Variants in ADAMTS5 observed in about 807,000 individuals in gnomAD.
ADAMTS5 encodes the protein ADAM metallopeptidase with thrombospondin type 1 motif 5, also known as A disintegrin and metalloproteinase with thrombospondin motifs 5.
A neutral mutation model predicts 81.4 loss-of-function variants in ADAMTS5; 54 were observed. That is an observed-to-expected ratio of 0.66 (90% CI 0.53 to 0.83). ADAMTS5 has a LOEUF of 0.83. ADAMTS5 is among the 40% of genes least tolerant of loss of function. ADAMTS5 has a pLI of 0.00. For missense variants in ADAMTS5, 1,194 were observed against 1,229.9 expected (o/e 0.97, Z 0.44); for synonymous variants, 532 against 508.8 (o/e 1.05, Z -0.61).
In ADAMTS5 at chr21:26,923,539, T is replaced by C. The variant is rs1205298341; in HGVS notation, c.*514A>G. The C allele has an allele frequency of 6.5e-6, 1 of 152,814 alleles. No homozygotes were observed. The highest frequency in any genetic ancestry group is 1.5e-5 in the Non-Finnish European group (1 of 68,166). 9.5% of individuals were successfully genotyped at this position (152,814 alleles called of 1,614,324 possible). A position where few individuals can be genotyped will look rare whatever the true frequency, so the allele number is the denominator to read the frequency against. ...CCAGTAAAATATCCACAGCTCTTTC[T>C]GGAAACGGAAGGAAGTTGAAATAGC... On this transcript the variant is annotated 3_prime_UTR_variant, in exon 8 of 8. Transcript: ENST00000284987.
Position 26,943,548 on chromosome 21 carries a change from C to T in ADAMTS5, c.1238-1G>A. 6.2e-7 allele frequency: 1 copy of T among 1,611,428 alleles called. No individual in the cohort carries two copies. Among genetic ancestry groups the T allele is most frequent in the Non-Finnish European group, 8.5e-7 (1 of 1,178,510 alleles). On this transcript the variant is annotated splice_acceptor_variant, in intron 2 of 7. Coordinates refer to ENST00000284987, the MANE Select transcript of ADAMTS5 (RefSeq NM_007038.5). LOFTEE classifies it high-confidence loss of function. ...TCATGGGAGAGGCCAAGTAAATGTC[C>T]TAAGGGAGACAACAGAGGAAGTACA...
intron 2 of ADAMTS5, chr21:26,954,170 G>C (rs1378206249): frequency 6.6e-6 from 1 of 152,144 alleles, no homozygotes; most frequent in Admixed American, 6.5e-5. Flanking sequence ...ATTTAGATGT[G>C]TTTCTTACAA....
chr21:26,922,586 G>C lies in ADAMTS5; in HGVS notation c.*1467C>G. The C allele has an allele frequency of 6.6e-6, 1 of 152,002 alleles. No individual in the cohort carries two copies. The highest frequency in any genetic ancestry group is 1.5e-5 in the Non-Finnish European group (1 of 67,942). The allele number at this position is 152,002 out of a possible 1,614,324, so 9.4% of individuals were successfully genotyped here. ...TTCTAAGTTGTGAGGTTGGTGATGGGGGGGTGTACATTTTATCATCTAAAA... is the reference window on the plus strand; with the variant it reads ...TTCTAAGTTGTGAGGTTGGTGATGGCGGGGTGTACATTTTATCATCTAAAA... On this transcript the variant is annotated 3_prime_UTR_variant, in exon 8 of 8. Transcript: ENST00000284987.
At position 26,966,105 on chromosome 21, in the gene ADAMTS5, C is replaced by T. The variant is rs1204827302; in HGVS notation, c.287G>A (p.Arg96Gln). ...KVGYLVYAGGRRFLLDLERDG... is the reference protein window; with the variant it reads ...KVGYLVYAGGQRFLLDLERDG... Reference sequence around the variant, plus strand: ...TCGCTCCAGGTCCAAGAGGAACCTCCGGCCGCCCGCGTAGACGAGGTAGCC... The same window carrying T: ...TCGCTCCAGGTCCAAGAGGAACCTCTGGCCGCCCGCGTAGACGAGGTAGCC... Residue 96 changes from arginine (R) to glutamine (Q), a missense_variant, in exon 1 of 8, where the codon CGG (arginine) becomes CAG (glutamine). Physicochemically the swap from Arg to Gln is conservative, Grantham distance 43 (BLOSUM62 1). Transcript: ENST00000284987. The T allele has an allele frequency of 1.9e-6, 3 of 1,612,804 alleles. No homozygotes were observed. Among genetic ancestry groups the T allele is most frequent in the East Asian group, 2.2e-5 (1 of 44,846 alleles).
intron 2 of ADAMTS5, among the ~76,000 whole-genome samples, chr21:26,946,318 G>A (rs1291434185): frequency 6.6e-6 from 1 of 152,070 alleles, no homozygotes; most frequent in East Asian, 1.9e-4. Context: ...AGTTGAAATC[G>A]GCCTTGAAAT....
chr21:26,964,217 A>G (rs1987589214), intron 1 of ADAMTS5, among the ~76,000 whole-genome samples: 2 of 152,210 alleles, frequency 1.3e-5, no homozygotes, highest in South Asian at 4.1e-4. Context: ...AAGAGGCACA[A>G]CTTAAAACTG....
Position 26,966,167 on chromosome 21 carries a change from C to T in ADAMTS5, c.225G>A (p.Gln75=), listed in dbSNP as rs540399. ...AQRRRSKGLV[Q]NIDQLYSGGG... is the part of the protein sequence containing the mutation. ...CGCCGGAGTAGAGTTGGTCGATGTT[C>T]TGCACCAGCCCCTTGCTCCTGCGCC... The change falls in exon 1 of 8, where the codon CAG becomes CAA. Residue 75 remains glutamine (Q), a synonymous_variant. Transcript: ENST00000284987. 1 of 1,608,654 alleles carries T rather than the reference C, an allele frequency of 6.2e-7. No homozygotes were observed. Among genetic ancestry groups the T allele is most frequent in the South Asian group, 1.1e-5 (1 of 90,334 alleles).
At chr21:26,960,069 A>G (rs1194675961) in intron 1 of ADAMTS5, among the ~76,000 whole-genome samples, 3 of 152,118 alleles carry the variant, frequency 2.0e-5, no homozygotes, top group Non-Finnish European at 4.4e-5. Context: ...TATCTCATGA[A>G]TATTTTGGCC....
intron 1 of ADAMTS5, among the ~76,000 whole-genome samples, chr21:26,956,738 T>G (rs1987434800): frequency 6.6e-6 from 1 of 152,156 alleles, no homozygotes; most frequent in South Asian, 2.1e-4. Context: ...AGAATTACAT[T>G]TTCCCTTCTT....
intron 2 of ADAMTS5, among the ~76,000 whole-genome samples, chr21:26,947,610 T>C (rs755528975): frequency 1.8e-4 from 27 of 152,080 alleles, no homozygotes; most frequent in Non-Finnish European, 2.9e-4. Context: ...GTTTTTTGTA[T>C]TTTCAGTAGA....
At chr21:26,939,758 G>A (rs1421830106) in intron 3 of ADAMTS5, 1 of 152,202 alleles carries the variant, frequency 6.6e-6, no homozygotes, top group Non-Finnish European at 1.5e-5. Context: ...AAACATTTGA[G>A]AAAGGAAATT....
intron 2 of ADAMTS5, among the ~76,000 whole-genome samples, 163 bp downstream of exon 2, chr21:26,954,576 G>A (rs1040708185): frequency 3.9e-5 from 6 of 152,128 alleles, no homozygotes; most frequent in Non-Finnish European, 7.4e-5. Flanking sequence ...CTTCCCTGTC[G>A]CTCGTATTAG....
rs765042826 is a variant in ADAMTS5 at position 26,966,242 on chromosome 21, C to T, written c.150G>A (p.Glu50=). The part of the protein sequence containing the change: ...AAQPRRRQGE[E]VQERAEPPGH... ...CGGGAGGCTCGGCTCGCTCCTGCAC[C>T]TCCTCCCCCTGCCGCCGGCGGGGCT... Residue 50 remains glutamate (E), a synonymous_variant, in exon 1 of 8, where the codon GAG becomes GAA. Transcript: ENST00000284987. The T allele has an allele frequency of 2.1e-4, 343 of 1,600,322 alleles. No individual in the cohort carries two copies. Among genetic ancestry groups the T allele is most frequent in the Admixed American group, 1.5e-4 (9 of 59,032 alleles).
In ADAMTS5 at chr21:26,924,223, A is replaced by C. The variant is rs1180231131; in HGVS notation, c.2623T>G (p.Ser875Ala). 1.2e-6 allele frequency: 2 copies of C among 1,614,118 alleles called. No individual in the cohort carries two copies. The highest frequency in any genetic ancestry group is 1.7e-6 in the Non-Finnish European group (2 of 1,180,038). ...GGGCCCGTGACCCACTGCGGCTGCG[A>C]AGTGTGTGATCCCACTTTATTGCTG... is the stretch of plus-strand genomic sequence containing the variant. ...HGSNKVGSHT[S>A]QPQWVTGPWL... The change falls in exon 8 of 8, where the codon TCG becomes GCG. Residue 875 changes from serine to alanine, a missense_variant. By Grantham distance (99) the Ser-to-Ala change is moderately conservative. Around this residue, in one of 2 missense-constraint regions of ADAMTS5, gnomAD observed 696 missense variants for 817.6 expected, o/e 0.85. Coordinates refer to ENST00000284987, the MANE Select transcript of ADAMTS5 (RefSeq NM_007038.5).
chr21:26,965,992 C>A lies in ADAMTS5; in HGVS notation c.400G>T (p.Gly134Cys). 2 of 1,613,232 alleles carry A rather than the reference C, an allele frequency of 1.2e-6. No individual in the cohort carries two copies. The highest frequency in any genetic ancestry group is 1.7e-6 in the Non-Finnish European group (2 of 1,179,832). Residue 134 changes from glycine to cysteine, a missense_variant, in exon 1 of 8, where the codon GGC (glycine) becomes TGC (cysteine). Physicochemically the swap from Gly to Cys is radical, Grantham distance 159. Transcript: ENST00000284987. The part of the protein sequence containing the change: ...WRHRSHCFYR[G>C]TVDGSPRSLA... ...GAGCGGGGACTACCGTCCACTGTGC[C>A]CCGATAGAAGCAGTGGCTCCGGTGG...
intron 6 of ADAMTS5, among the ~76,000 whole-genome samples, chr21:26,930,650 G>C (rs993309104): frequency 1.3e-5 from 2 of 152,092 alleles, no homozygotes; most frequent in Non-Finnish European, 2.9e-5. Flanking sequence ...AATATATTTT[G>C]AATAAACGGA....
At chr21:26,953,561 C>A (rs1466751749) in intron 2 of ADAMTS5, among the ~76,000 whole-genome samples, 2 of 152,158 alleles carry the variant, frequency 1.3e-5, no homozygotes, top group Admixed American at 6.5e-5. Flanking sequence ...TGAAAATATT[C>A]TCTGCCTATT....
chr21:26,960,813 C>T (rs1482466705), intron 1 of ADAMTS5, among the ~76,000 whole-genome samples: 3 of 152,166 alleles, frequency 2.0e-5, no homozygotes, highest in Non-Finnish European at 4.4e-5. Context: ...AATCTATTAC[C>T]ATTTCCCATT....
rs1213143998 is a variant in ADAMTS5 at position 26,922,136 on chromosome 21, T to G, written c.*1917A>C. On this transcript the variant is annotated 3_prime_UTR_variant, in exon 8 of 8. Coordinates refer to ENST00000284987, the MANE Select transcript of ADAMTS5 (RefSeq NM_007038.5). ...GGTGATCTCCATCACATATAGGTTA[T>G]CAGCCTTGTACAGGCCTCATTTCTC... The G allele has an allele frequency of 6.6e-6, 1 of 152,078 alleles. No individual in the cohort carries two copies. The highest frequency in any genetic ancestry group is 1.5e-5 in the Non-Finnish European group (1 of 67,944). 9.4% of individuals were successfully genotyped at this position (152,078 alleles called of 1,614,324 possible). A position where few individuals can be genotyped will look rare whatever the true frequency, so the allele number is the denominator to read the frequency against.
Sources: allele counts gnomAD v4.1 joint callset (sites outside exome capture counted in the v4.1 genomes callset), GRCh38; gene constraint gnomAD v4.1.1; regional missense constraint gnomAD v4.1.1; transcripts MANE v1.5; gene names NCBI Gene and HGNC (gene_info 2026-07-23, HGNC 2026-07-21).